MMP16: variants seen among roughly 807,000 people sequenced by gnomAD.
MMP16 encodes matrix metalloproteinase-16.
MMP16 carries 12 observed loss-of-function variants against 67.8 expected under a neutral mutation model. The ratio of observed to expected loss-of-function variants is 0.18; its 90% CI spans 0.11 to 0.29. MMP16 has a LOEUF of 0.29. Ranked by LOEUF, MMP16 falls within the 10% of genes least tolerant of loss-of-function variation. MMP16 has a pLI of 1.00. For missense variants in MMP16, 475 were observed against 765.7 expected (o/e 0.62, Z 4.48); for synonymous variants, 249 against 255.9 (o/e 0.97, Z 0.26).
intron 2 of MMP16, among the ~76,000 whole-genome samples, chr8:88,196,689 C>T (rs548559381): frequency 3.3e-5 from 5 of 152,250 alleles, no homozygotes; most frequent in African/African-American, 1.2e-4. Flanking sequence ...GGCTCTCTGA[C>T]GCTGCCCCTC....
At chr8:88,043,142 T>C (rs1808153681) in intron 9 of MMP16, among the ~76,000 whole-genome samples, 2 of 152,146 alleles carry the variant, frequency 1.3e-5, no homozygotes, top group Admixed American at 1.3e-4. Flanking sequence ...TAGAATTAAT[T>C]ATCCTTTCTT....
chr8:88,326,037 A>G (rs1041667481), intron 1 of MMP16, among the ~76,000 whole-genome samples: 3 of 152,242 alleles, frequency 2.0e-5, no homozygotes, highest in African/African-American at 7.2e-5. Context: ...CATAATATCA[A>G]CAATATAAGA....
At chr8:88,246,025 C>T (rs1810108306) in intron 1 of MMP16, among the ~76,000 whole-genome samples, 1 of 152,066 alleles carries the variant, frequency 6.6e-6, no homozygotes, top group Non-Finnish European at 1.5e-5. Context: ...TAATGTACCC[C>T]TTTCTTTATA....
intron 9 of MMP16, among the ~76,000 whole-genome samples, chr8:88,045,736 T>G (rs922552753): frequency 9.2e-5 from 14 of 152,142 alleles, no homozygotes; most frequent in Admixed American, 7.2e-4. Flanking sequence ...CCCCTGACTC[T>G]TTCATTAACC....
At chr8:88,215,033 A>G (rs762327756) in intron 1 of MMP16, among the ~76,000 whole-genome samples, 59 of 152,240 alleles carry the variant, frequency 3.9e-4, no homozygotes, top group Non-Finnish European at 6.8e-4. Context: ...ATTTAAATTA[A>G]GAAGTGGCAA....
rs1808119655 is a variant in MMP16, at chr8:88,040,698, A to G, written c.*763T>C. 6.6e-6 allele frequency: 1 copy of G among 152,666 alleles called. No individual in the cohort carries two copies. The highest frequency in any genetic ancestry group is 1.5e-5 in the Non-Finnish European group (1 of 68,048). The allele number at this position is 152,666 out of a possible 1,614,324, so 9.5% of individuals were successfully genotyped here. A position where few individuals can be genotyped will look rare whatever the true frequency, so the allele number is the denominator to read the frequency against. Reference sequence around the variant, plus strand: ...AGGTCGTGTTTGAAAATAGCTATGAATATAAATGCGATGAAACACTGAGGA... The same window carrying G: ...AGGTCGTGTTTGAAAATAGCTATGAGTATAAATGCGATGAAACACTGAGGA... On this transcript the variant is annotated 3_prime_UTR_variant, in exon 10 of 10. Transcript: ENST00000286614.
intron 4 of MMP16, among the ~76,000 whole-genome samples, chr8:88,125,213 G>GA (rs948030740): frequency 3.4e-4 from 48 of 141,246 alleles, no homozygotes; most frequent in South Asian, 4.5e-4. Flanking sequence ...TACAAAATTA[G>GA]AAAAAAAAAC....
intron 1 of MMP16, among the ~76,000 whole-genome samples, chr8:88,223,986 G>A (rs2129854362): frequency 6.6e-6 from 1 of 152,080 alleles, no homozygotes; most frequent in African/African-American, 2.4e-5. Flanking sequence ...AGCCAAAGAT[G>A]CACAGATTAT....
At chr8:88,053,919 C>T (rs1394227528) in intron 8 of MMP16, among the ~76,000 whole-genome samples, 1 of 151,874 alleles carries the variant, frequency 6.6e-6, no homozygotes, top group African/African-American at 2.4e-5. Flanking sequence ...TATATATTTT[C>T]TATATTTGGC....
intron 1 of MMP16, among the ~76,000 whole-genome samples, chr8:88,279,093 G>A (rs1810692810): frequency 6.6e-6 from 1 of 151,976 alleles, no homozygotes; most frequent in Admixed American, 6.6e-5. Flanking sequence ...GTGATGGCAT[G>A]TGCCTGTAGT....
chr8:88,177,098 C>T (rs1019809171), intron 3 of MMP16, among the ~76,000 whole-genome samples: 2 of 152,100 alleles, frequency 1.3e-5, no homozygotes, highest in African/African-American at 4.8e-5. Flanking sequence ...AAGGTTTATA[C>T]ATCTTTTGTG....
intron 9 of MMP16, among the ~76,000 whole-genome samples, chr8:88,042,733 G>A (rs1808149178): frequency 6.6e-6 from 1 of 152,104 alleles, no homozygotes; most frequent in Non-Finnish European, 1.5e-5. Context: ...CATTATGAAT[G>A]CATACAATAG....
intron 1 of MMP16, among the ~76,000 whole-genome samples, chr8:88,265,370 A>AGC (rs1427676485): frequency 6.6e-6 from 1 of 151,950 alleles, no homozygotes; most frequent in African/African-American, 2.4e-5. Context: ...CAAGCATTCA[A>AGC]TATACTATGA....
intron 1 of MMP16, among the ~76,000 whole-genome samples, chr8:88,257,095 C>G (rs1259888457): frequency 1.3e-5 from 2 of 152,156 alleles, no homozygotes; most frequent in Non-Finnish European, 1.5e-5. Context: ...ATCCTTTTAA[C>G]AGTTGTTCTT....
At chr8:88,209,604 ACTCT>A (rs1003669677) in intron 1 of MMP16, among the ~76,000 whole-genome samples, 7 of 53,974 alleles carry the variant, frequency 1.3e-4, no homozygotes, top group African/African-American at 4.3e-4. Flanking sequence ...TTATTATTCT[ACTCT>A]CTCTATGTAT....
At chr8:88,291,631 T>C (rs1000653293) in intron 1 of MMP16, among the ~76,000 whole-genome samples, 1 of 152,160 alleles carries the variant, frequency 6.6e-6, no homozygotes, top group African/African-American at 2.4e-5. Flanking sequence ...CCCTCTCTTC[T>C]TGAGTAGAAA....
In MMP16 at chr8:88,167,751, G is replaced by C; in HGVS notation, c.627C>G (p.Ala209=). The part of the protein sequence containing the change: ...FDGEGGFLAH[A]YFPGPGIGGD... ...CTCCAATTCCTGGTCCAGGGAAGTA[G>C]GCATGTGCCAAAAATCCTCCCTCTC... Residue 209 remains alanine, a synonymous_variant, in exon 4 of 10, where the codon GCC becomes GCG. Coordinates refer to ENST00000286614, the MANE Select transcript of MMP16 (RefSeq NM_005941.5). The C allele has an allele frequency of 6.2e-7, 1 of 1,613,974 alleles. No homozygotes were observed. The highest frequency in any genetic ancestry group is 8.5e-7 in the Non-Finnish European group (1 of 1,179,944).
At chr8:88,279,265 C>A in intron 1 of MMP16, among the ~76,000 whole-genome samples, 1 of 151,556 alleles carries the variant, frequency 6.6e-6, no homozygotes, top group East Asian at 1.9e-4. Context: ...GTAAACTATC[C>A]CATTAATATT....
At chr8:88,079,101 T>C (rs1012418541) in intron 6 of MMP16, among the ~76,000 whole-genome samples, 4 of 152,138 alleles carry the variant, frequency 2.6e-5, no homozygotes, top group Admixed American at 1.3e-4. Flanking sequence ...GCAGTCTCTC[T>C]TGTGTTCATA....
Sources: allele counts gnomAD v4.1 joint callset (sites outside exome capture counted in the v4.1 genomes callset), GRCh38; gene constraint gnomAD v4.1.1; transcripts MANE v1.5; gene names NCBI Gene and HGNC (gene_info 2026-07-23, HGNC 2026-07-21).